The following ANK2 variants were observed in gnomAD, a reference collection of about 807,000 sequenced individuals.
ANK2 encodes the protein ankyrin 2.
Under a neutral mutation model 360.5 loss-of-function variants are expected in ANK2, and 83 were observed. The ratio of observed to expected loss-of-function variants is 0.23; its 90% confidence interval spans 0.19 to 0.28. The LOEUF (loss-of-function observed/expected upper bound fraction) is 0.28. Ranked by LOEUF, ANK2 falls within the 10% of genes least tolerant of loss-of-function variation. ANK2 has a pLI of 1.00. For missense variants in ANK2, 4,201 were observed against 4,795.7 expected, an observed-to-expected ratio of 0.88 and a Z score of 3.66; for synonymous variants, 1,740 against 1,759.5, an observed-to-expected ratio of 0.99 and a Z score of 0.28.
At chr4:113,317,650 C>A in intron 24 of ANK2, 57 bp from the exon 25 acceptor site, 1 of 1,375,452 alleles carries the variant, frequency 7.3e-7, no homozygotes, top group South Asian at 1.2e-5. Context: ...ATCATTTTGT[C>A]ATCCCAACCC....
At position 112,981,562 on chromosome 4, in the gene ANK2, G is replaced by A. The variant is rs190749753; in HGVS notation, c.21+77048G>A. On this transcript the variant is annotated intron_variant, in intron 2 of 30. Coordinates refer to the ANK2 transcript ENST00000503271. The stretch of plus-strand genomic sequence containing the variant: ...AAAGAATGACAGACTAAAGTTTCAG[G>A]TTGAGAGGACGAGTAGGGTGATGGT... Among the ~76,000 whole-genome samples, 67 of 152,338 alleles carry A rather than the reference G, an allele frequency of 4.4e-4. No individual in the cohort carries two copies. The East Asian group carries it at 7.9e-3, about 18-fold the overall frequency.
chr4:113,354,402 A>G lies in ANK2; in HGVS notation c.5784A>G (p.Val1928=). The part of the protein sequence containing the change: ...PSGRTEKHPP[V]SPGRTEKRLP... ...GGAGGACAGAAAAACACCCGCCAGT[A>G]TCGCCTGGGAGAACAGAAAAACGCT... The change falls in exon 38 of 46, where the codon GTA becomes GTG. Residue 1928 remains valine, a synonymous_variant. Transcript: ENST00000357077. 6.2e-7 allele frequency: 1 copy of G among 1,614,142 alleles called. No individual in the cohort carries two copies. Among genetic ancestry groups the G allele is most frequent in the Non-Finnish European group, 8.5e-7 (1 of 1,179,972 alleles).
chr4:113,331,013 A>G (rs2092312401), intron 27 of ANK2, among the ~76,000 whole-genome samples: 1 of 152,200 alleles, frequency 6.6e-6, no homozygotes, highest in South Asian at 2.1e-4. Context: ...TAAGACAAAT[A>G]CATCAAGACT....
chr4:113,359,382 G>A (rs2096056288), intron 38 of ANK2, 83 bp downstream of exon 38: 7 of 1,562,528 alleles, frequency 4.5e-6, no homozygotes, highest in Non-Finnish European at 6.1e-6. Context: ...TTTATTTGAT[G>A]ATTTGTGTCT....
intron 2 of ANK2, among the ~76,000 whole-genome samples, chr4:112,979,352 C>T (rs2042398722): frequency 1.3e-5 from 2 of 152,182 alleles, no homozygotes; most frequent in Non-Finnish European, 1.5e-5. Flanking sequence ...AGGTGGGTAC[C>T]TGGGAACACG....
intron 22 of ANK2, among the ~76,000 whole-genome samples, chr4:113,295,126 T>A (rs1397248818): frequency 6.6e-6 from 1 of 152,218 alleles, no homozygotes; most frequent in Non-Finnish European, 1.5e-5. Context: ...ATCTTGTACC[T>A]ACTTTGCTTC....
chr4:113,067,184 A>C (rs1279626621), intron 1 of ANK2, among the ~76,000 whole-genome samples: 1 of 151,992 alleles, frequency 6.6e-6, no homozygotes, highest in Non-Finnish European at 1.5e-5. Flanking sequence ...GAAAATCTGG[A>C]GACAGATTTT....
chr4:112,894,388 G>A (rs2081114078), intron 1 of ANK2, among the ~76,000 whole-genome samples: 2 of 151,900 alleles, frequency 1.3e-5, no homozygotes, highest in Non-Finnish European at 2.9e-5. Context: ...TTTTGTATTT[G>A]GTGTTACATA....
the ANK2 span, among the ~76,000 whole-genome samples, chr4:112,717,790 A>AAT: frequency 3.3e-5 from 5 of 151,598 alleles, no homozygotes; most frequent in East Asian, 1.9e-4. Context: ...TTAAAAAAAA[A>AAT]ATATTTATAA....
chr4:112,871,450 G>A (rs533302844), intron 1 of ANK2, among the ~76,000 whole-genome samples: 1 of 152,302 alleles, frequency 6.6e-6, no homozygotes, highest in South Asian at 2.1e-4. Flanking sequence ...GCCTCCCAAA[G>A]TGCTGAGATT....
intron 18 of ANK2, among the ~76,000 whole-genome samples, chr4:113,287,130 G>A (rs1382070053): frequency 6.6e-6 from 1 of 152,212 alleles, no homozygotes; most frequent in Non-Finnish European, 1.5e-5. Context: ...GGGTGCTGGA[G>A]AAAGTTTTTC....
Position 113,302,938 on chromosome 4 carries a change from G to A in ANK2, c.2548+99G>A, listed in dbSNP as rs887228499. 6 of 1,050,432 alleles carry A rather than the reference G, an allele frequency of 5.7e-6. No homozygotes were observed. In the African/African-American group the frequency reaches 7.9e-5, roughly 14 times the overall value. The allele number at this position is 1,050,432 out of a possible 1,614,324, so 65.1% of individuals were successfully genotyped here. A position where few individuals can be genotyped will look rare whatever the true frequency, so the allele number is the denominator to read the frequency against. Reference sequence around the variant, plus strand: ...GACCAAGCTGGTTATGTGGATGACAGAATCTTAACATTTAAAGTCACTTTT... The same window carrying A: ...GACCAAGCTGGTTATGTGGATGACAAAATCTTAACATTTAAAGTCACTTTT... On this transcript the variant is annotated intron_variant, in intron 23 of 45. Coordinates refer to ENST00000357077, the MANE Select transcript of ANK2 (RefSeq NM_001148.6).
At chr4:112,886,655 C>T (rs563662918) in intron 1 of ANK2, among the ~76,000 whole-genome samples, 75 of 152,236 alleles carry the variant, frequency 4.9e-4, no homozygotes, top group Non-Finnish European at 9.6e-4. Context: ...GAGCGAGACT[C>T]TGTCTCAAAA....
chr4:112,964,548 T>C (rs1004026472), intron 2 of ANK2, among the ~76,000 whole-genome samples: 3 of 152,040 alleles, frequency 2.0e-5, no homozygotes, highest in African/African-American at 7.2e-5. Context: ...TTTTTGTATA[T>C]GTACCACATT....
chr4:112,937,317 A>C (rs1351034418), intron 2 of ANK2, among the ~76,000 whole-genome samples: 1 of 144,820 alleles, frequency 6.9e-6, no homozygotes, highest in Non-Finnish European at 1.5e-5. Flanking sequence ...TTGTAAAACC[A>C]CAATTATTGT....
At chr4:113,344,053 C>A (rs1054717088) in intron 34 of ANK2, among the ~76,000 whole-genome samples, 2 of 152,128 alleles carry the variant, frequency 1.3e-5, no homozygotes, top group Admixed American at 6.5e-5. Context: ...TTTCATTGTG[C>A]CATTTCTGGT....
intron 2 of ANK2, among the ~76,000 whole-genome samples, chr4:113,040,733 T>G (rs1255812326): frequency 6.6e-6 from 1 of 152,092 alleles, no homozygotes; most frequent in Non-Finnish European, 1.5e-5. Flanking sequence ...AAAGCTCATC[T>G]GTGTGAAGAT....
intron 34 of ANK2, 137 bp downstream of exon 34, chr4:113,343,279 G>A (rs1467289463): frequency 6.4e-6 from 6 of 935,008 alleles, no homozygotes; most frequent in Non-Finnish European, 9.5e-6. Context: ...ACGTTTTACA[G>A]CCCTGGGAAA....
At chr4:113,072,579 G>T (rs2077992350) in intron 1 of ANK2, among the ~76,000 whole-genome samples, 1 of 152,172 alleles carries the variant, frequency 6.6e-6, no homozygotes, top group African/African-American at 2.4e-5. Context: ...CAGAGGTTTG[G>T]GTAGGGGACA....
Sources: allele counts gnomAD v4.1 joint callset (sites outside exome capture counted in the v4.1 genomes callset), GRCh38; gene constraint gnomAD v4.1.1; transcripts MANE v1.5; gene names NCBI Gene and HGNC (gene_info 2026-07-23, HGNC 2026-07-21).